The following LRFN2 variants were observed in gnomAD, a reference collection of about 807,000 sequenced individuals.
LRFN2 encodes the protein leucine rich repeat and fibronectin type III domain containing 2.
LRFN2 carries 18 observed loss-of-function variants against 37.3 expected under a neutral mutation model. That is an observed-to-expected ratio of 0.48 (90% CI 0.33 to 0.72). The LOEUF (loss-of-function observed/expected upper bound fraction) is 0.72, where lower values mean the gene tolerates loss of function less well. Among genes scored for constraint, LRFN2 ranks in the 30% least tolerant of loss-of-function variants. The pLI is 0.02. For missense variants in LRFN2, 1,006 were observed against 1,060.7 expected, an observed-to-expected ratio of 0.95 and a Z score of 0.72; for synonymous variants, 556 against 466.6, an observed-to-expected ratio of 1.19 and a Z score of -2.47.
At chr6:40,474,260 G>A (rs1303124868) in intron 1 of LRFN2, among the ~76,000 whole-genome samples, 1 of 152,124 alleles carries the variant, frequency 6.6e-6, no homozygotes, top group Admixed American at 6.6e-5. Context: ...GTGTCAGCAG[G>A]CCCATATTCT....
At chr6:40,442,985 A>G (rs1763876475) in intron 1 of LRFN2, among the ~76,000 whole-genome samples, 1 of 151,962 alleles carries the variant, frequency 6.6e-6, no homozygotes, top group African/African-American at 2.4e-5. Flanking sequence ...CACCCATAGC[A>G]TATTTAATCT....
intron 1 of LRFN2, chr6:40,502,376 T>A (rs1561882635): frequency 1.3e-5 from 2 of 152,048 alleles, no homozygotes; most frequent in Admixed American, 6.6e-5. Flanking sequence ...TGGAAGTCCT[T>A]TGGGTGAAAA....
chr6:40,542,581 G>A (rs762537405), intron 1 of LRFN2, among the ~76,000 whole-genome samples: 1 of 152,162 alleles, frequency 6.6e-6, no homozygotes, highest in Non-Finnish European at 1.5e-5. Context: ...CAGGCTGCCA[G>A]TGGGGGCTCT....
chr6:40,557,497 T>C (rs1029767879), intron 1 of LRFN2, among the ~76,000 whole-genome samples: 9 of 152,128 alleles, frequency 5.9e-5, no homozygotes, highest in African/African-American at 1.9e-4. Flanking sequence ...GAATGTTCCA[T>C]TGGGTTTGGG....
intron 1 of LRFN2, among the ~76,000 whole-genome samples, chr6:40,435,046 TATATATAGAGAGAG>T (rs1452739710): frequency 4.3e-4 from 35 of 81,206 alleles, no homozygotes; most frequent in South Asian, 1.6e-3. Flanking sequence ...TATATATATA[TATATATAGAGAGAG>T]AGAGAGAGAG....
chr6:40,525,849 C>T (rs1380202648), intron 1 of LRFN2, among the ~76,000 whole-genome samples: 2 of 152,122 alleles, frequency 1.3e-5, no homozygotes, highest in African/African-American at 2.4e-5. Flanking sequence ...GAACTTTGCC[C>T]GCAAGACCAC....
chr6:40,463,167 T>C (rs1482297299), intron 1 of LRFN2, among the ~76,000 whole-genome samples: 2 of 152,206 alleles, frequency 1.3e-5, no homozygotes, highest in Non-Finnish European at 2.9e-5. Flanking sequence ...GACCACCTAG[T>C]TAGAGTTTAT....
At chr6:40,523,315 A>C (rs1410912365) in intron 1 of LRFN2, among the ~76,000 whole-genome samples, 1 of 151,996 alleles carries the variant, frequency 6.6e-6, no homozygotes, top group Non-Finnish European at 1.5e-5. Flanking sequence ...CCCTTGATGC[A>C]TCGCCCACCT....
intron 2 of LRFN2, among the ~76,000 whole-genome samples, chr6:40,415,516 C>T (rs1467046835): frequency 1.3e-5 from 2 of 152,150 alleles, no homozygotes; most frequent in South Asian, 2.1e-4. Context: ...ATGAGCCACG[C>T]ACCCGGCCTG....
At chr6:40,483,593 A>G (rs1020530286) in intron 1 of LRFN2, among the ~76,000 whole-genome samples, 2 of 152,206 alleles carry the variant, frequency 1.3e-5, no homozygotes. Flanking sequence ...AAATCAGCCC[A>G]TCTAATTTTA....
intron 1 of LRFN2, chr6:40,501,540 C>A (rs1765382494): frequency 6.6e-6 from 1 of 151,540 alleles, no homozygotes; most frequent in Non-Finnish European, 1.5e-5. Flanking sequence ...GCTGCCCAGG[C>A]TGGTCTTAAA....
intron 1 of LRFN2, chr6:40,502,408 A>T (rs1050407964): frequency 1.3e-5 from 2 of 152,208 alleles, no homozygotes; most frequent in African/African-American, 4.8e-5. Flanking sequence ...ACAAGTCATA[A>T]AAGACACGAA....
chr6:40,561,339 C>T (rs1231121295), intron 1 of LRFN2, among the ~76,000 whole-genome samples: 1 of 152,206 alleles, frequency 6.6e-6, no homozygotes, highest in Admixed American at 6.5e-5. Flanking sequence ...GGACCTTTTG[C>T]AGTGACCCTT....
chr6:40,397,552 A>C (rs1195361585), intron 2 of LRFN2, among the ~76,000 whole-genome samples: 1 of 152,144 alleles, frequency 6.6e-6, no homozygotes, highest in Non-Finnish European at 1.5e-5. Flanking sequence ...TGGGCTCCCA[A>C]ACCAGGCTGC....
At chr6:40,524,855 G>A (rs930532122) in intron 1 of LRFN2, among the ~76,000 whole-genome samples, 3 of 152,192 alleles carry the variant, frequency 2.0e-5, no homozygotes, top group Admixed American at 1.3e-4. Context: ...AGGAAACTGA[G>A]TCAGGGGTCA....
chr6:40,483,979 G>C (rs1392445802), intron 1 of LRFN2, among the ~76,000 whole-genome samples: 2 of 152,138 alleles, frequency 1.3e-5, no homozygotes, highest in Non-Finnish European at 2.9e-5. Context: ...CCCTCTCCCT[G>C]CCAGGAGTGC....
intron 1 of LRFN2, among the ~76,000 whole-genome samples, chr6:40,493,802 C>T (rs1178536573): frequency 1.3e-5 from 2 of 152,222 alleles, no homozygotes; most frequent in African/African-American, 2.4e-5. Context: ...CCTGCCTTAT[C>T]CCCATCAAGC....
intron 1 of LRFN2, among the ~76,000 whole-genome samples, chr6:40,501,064 G>C (rs1765370526): frequency 1.3e-5 from 2 of 151,056 alleles, no homozygotes; most frequent in Admixed American, 6.6e-5. Flanking sequence ...TTAACATCAT[G>C]GGTAAATAAA....
intron 1 of LRFN2, among the ~76,000 whole-genome samples, chr6:40,511,890 T>C (rs1160905253): frequency 6.6e-6 from 1 of 152,176 alleles, no homozygotes; most frequent in African/African-American, 2.4e-5. Context: ...CAATTAATTG[T>C]AACTCTCTTC....
Sources: gnomAD v4.1 joint callset for allele counts (sites outside exome capture counted in the v4.1 genomes callset) on GRCh38, gnomAD v4.1.1 for gene constraint, MANE v1.5 for transcripts, NCBI Gene and HGNC (gene_info 2026-07-23, HGNC 2026-07-21) for gene names.